The following RTN4 variants were observed in gnomAD, a reference collection of about 807,000 sequenced individuals.
RTN4 encodes reticulon-4.
Under a neutral mutation model 90.4 loss-of-function variants are expected in RTN4, and 32 were observed. The observed-to-expected ratio is 0.35, with a 90% CI of 0.27 to 0.48. The LOEUF (loss-of-function observed/expected upper bound fraction) is 0.48. RTN4 is among the 20% of genes least tolerant of loss of function. The probability of loss-of-function intolerance (pLI) is 0.99; values close to 1 mark genes in which losing one functional copy is unlikely to be tolerated. For missense variants in RTN4, 1,706 were observed against 1,430.2 expected, an observed-to-expected ratio of 1.19 and a Z score of -3.11; for synonymous variants, 629 against 552.5, an observed-to-expected ratio of 1.14 and a Z score of -1.94.
Position 54,987,717 on chromosome 2 carries a change from A to G in RTN4, c.3014-19T>C, listed in dbSNP as rs1335004939. ...TCAACAACTAAAAATTGAAAAAGAA[A>G]TCTGAAATTAGAATGTTATTTTATC... On this transcript the variant is annotated intron_variant, in intron 3 of 8. Coordinates refer to ENST00000337526, the MANE Select transcript of RTN4 (RefSeq NM_020532.5). 1.3e-6 allele frequency: 2 copies of G among 1,568,742 alleles called. No individual in the cohort carries two copies. Among genetic ancestry groups the G allele is most frequent in the Non-Finnish European group, 1.7e-6 (2 of 1,147,360 alleles).
intron 1 of RTN4, among the ~76,000 whole-genome samples, chr2:55,110,041 G>A (rs374663658): frequency 6.6e-6 from 1 of 152,282 alleles, no homozygotes; most frequent in East Asian, 1.9e-4. Flanking sequence ...GGGCGTGGTG[G>A]TTCACACCTA....
chr2:55,095,323 C>CA (rs1328611450), intron 1 of RTN4, among the ~76,000 whole-genome samples: 1,926 of 138,694 alleles, frequency 0.014, 41 homozygotes, highest in African/African-American at 0.044. Context: ...GATCCTGTCT[C>CA]AAAAAAAAAA....
chr2:55,058,123 T>C (rs919287791), intron 2 of RTN4, among the ~76,000 whole-genome samples: 2 of 152,178 alleles, frequency 1.3e-5, no homozygotes, highest in Non-Finnish European at 1.5e-5. Flanking sequence ...CAGGGACTGA[T>C]TCATGATCTA....
upstream of RTN4, among the ~76,000 whole-genome samples, chr2:55,113,211 G>A (rs1668068842): frequency 6.6e-6 from 1 of 152,210 alleles, no homozygotes; most frequent in Non-Finnish European, 1.5e-5. Flanking sequence ...CTGCGAGGAG[G>A]GTAAGCAGTG....
At position 54,973,138 on chromosome 2, in the gene RTN4, T is replaced by G. The variant is rs1677252640; in HGVS notation, c.*18A>C. 9 of 1,598,744 alleles carry G rather than the reference T, an allele frequency of 5.6e-6. No homozygotes were observed. The highest frequency in any genetic ancestry group is 7.7e-6 in the Non-Finnish European group (9 of 1,167,380). On this transcript the variant is annotated 3_prime_UTR_variant, in exon 9 of 9. Coordinates refer to ENST00000337526, the MANE Select transcript of RTN4 (RefSeq NM_020532.5). Reference sequence around the variant, plus strand: ...ATCCCCTTTAAAGATGAACTCCTACTAATTATTTTGGGCGTTTTCATTCAG... The same window carrying G: ...ATCCCCTTTAAAGATGAACTCCTACGAATTATTTTGGGCGTTTTCATTCAG...
rs1681897757 is a variant in RTN4, at chr2:55,026,612, T to A, written c.1487A>T (p.Lys496Ile). The A allele has an allele frequency of 6.2e-7, 1 of 1,612,182 alleles. No homozygotes were observed. Among genetic ancestry groups the A allele is most frequent in the African/African-American group, 1.3e-5 (1 of 74,798 alleles). Residue 496 changes from lysine (K) to isoleucine (I), a missense_variant, in exon 3 of 9, where the codon AAA becomes ATA. Coordinates refer to ENST00000337526, the MANE Select transcript of RTN4 (RefSeq NM_020532.5). ...PTSENKTDEK[K>I]IEEKKAQIVT... ...TATTTGGGCCTTCTTTTCTTCTATT[T>A]TTTTTTCATCGGTCTTATTTTCTGA...
At chr2:55,053,817 G>A (rs996262811), upstream of RTN4, among the ~76,000 whole-genome samples, 3 of 152,170 alleles carry the variant, frequency 2.0e-5, no homozygotes, top group African/African-American at 7.2e-5. Context: ...CAGCCTGCTA[G>A]AATCATAGAA....
At chr2:55,078,706 AAC>A (rs1668648088) in intron 2 of RTN4, among the ~76,000 whole-genome samples, 1 of 152,210 alleles carries the variant, frequency 6.6e-6, no homozygotes, top group African/African-American at 2.4e-5. Context: ...AATGTTTGTA[AAC>A]ACAGAGTAAA....
chr2:54,980,849 G>A (rs1228848075), intron 5 of RTN4, among the ~76,000 whole-genome samples: 1 of 152,096 alleles, frequency 6.6e-6, no homozygotes, highest in Non-Finnish European at 1.5e-5. Context: ...TTTCACACAT[G>A]TTCTACCCTA....
chr2:55,005,987 C>T (rs1558794169), intron 3 of RTN4, among the ~76,000 whole-genome samples: 1 of 152,112 alleles, frequency 6.6e-6, no homozygotes, highest in Non-Finnish European at 1.5e-5. Context: ...TCAACCTGTA[C>T]TTGCAAACTT....
chr2:55,080,169 A>G (rs1668682717), intron 2 of RTN4, among the ~76,000 whole-genome samples: 1 of 152,062 alleles, frequency 6.6e-6, no homozygotes, highest in African/African-American at 2.4e-5. Flanking sequence ...GGTACACACC[A>G]CCATACCCGG....
chr2:55,071,781 A>G (rs1036344150), intron 2 of RTN4, among the ~76,000 whole-genome samples: 4 of 152,204 alleles, frequency 2.6e-5, no homozygotes, highest in Middle Eastern at 3.2e-3. Flanking sequence ...TAGAGATTCT[A>G]TGGATTTATT....
chr2:55,020,312 A>T (rs958970689), intron 3 of RTN4, among the ~76,000 whole-genome samples: 48 of 152,328 alleles, frequency 3.2e-4, no homozygotes, highest in Non-Finnish European at 6.3e-4. Flanking sequence ...CTACACAGCT[A>T]TAGTAACCAA....
intron 2 of RTN4, among the ~76,000 whole-genome samples, chr2:55,067,168 T>C (rs1471074642): frequency 6.6e-6 from 1 of 152,212 alleles, no homozygotes. Context: ...GCTCTGTCAC[T>C]GGCTCTCTGA....
At chr2:55,107,455 C>T (rs1488313522) in intron 1 of RTN4, among the ~76,000 whole-genome samples, 1 of 149,604 alleles carries the variant, frequency 6.7e-6, no homozygotes, top group Non-Finnish European at 1.5e-5. Context: ...GATGGCTACT[C>T]TAGGCCCTAC....
rs1678210229 is a variant in RTN4, at chr2:54,982,414, T to C, written c.3360+101A>G. ...GTTTACAGCCATGTGATTTAATTAATATTTATCATTTACTTGAATATAGAA... is the reference window on the plus strand; with the variant it reads ...GTTTACAGCCATGTGATTTAATTAACATTTATCATTTACTTGAATATAGAA... On this transcript the variant is annotated intron_variant, in intron 5 of 8. Transcript: ENST00000337526. The C allele has an allele frequency of 6.1e-6, 6 of 991,318 alleles. No homozygotes were observed. In the Admixed American group the frequency reaches 8.4e-5, roughly 14 times the overall value. The allele number at this position is 991,318 out of a possible 1,614,324, so 61.4% of individuals were successfully genotyped here. A position where few individuals can be genotyped will look rare whatever the true frequency, so the allele number is the denominator to read the frequency against.
chr2:55,062,427 C>G (rs768153147), intron 2 of RTN4, among the ~76,000 whole-genome samples: 1 of 152,214 alleles, frequency 6.6e-6, no homozygotes, highest in Non-Finnish European at 1.5e-5. Flanking sequence ...GCCGTGGGGT[C>G]AGAGCCCCAC....
At chr2:55,075,277 C>T (rs1160903300) in intron 2 of RTN4, among the ~76,000 whole-genome samples, 1 of 152,132 alleles carries the variant, frequency 6.6e-6, no homozygotes, top group East Asian at 1.9e-4. Context: ...TGCTATACAC[C>T]AACAGCGACC....
intron 4 of RTN4, among the ~76,000 whole-genome samples, chr2:54,985,454 T>C (rs2588516): frequency 0.86 from 130,068 of 152,126 alleles, 56,041 homozygotes; most frequent in African/African-American, 0.97. Flanking sequence ...GCCAACACGT[T>C]TGGCTGGCTC....
Sources: gnomAD v4.1 joint callset for allele counts (sites outside exome capture counted in the v4.1 genomes callset) on GRCh38, gnomAD v4.1.1 for gene constraint, MANE v1.5 for transcripts, NCBI Gene and HGNC (gene_info 2026-07-23, HGNC 2026-07-21) for gene names.